Variants in USP54 observed in about 807,000 individuals in gnomAD.
USP54 encodes ubiquitin carboxyl-terminal hydrolase 54.
A neutral mutation model predicts 170.5 loss-of-function variants in USP54; 87 were observed. The observed-to-expected ratio is 0.51, with a 90% CI of 0.43 to 0.61. The LOEUF is 0.61. Ranked by LOEUF, USP54 falls within the 20% of genes least tolerant of loss-of-function variation. The pLI is 0.00. For synonymous variants in USP54, 655 were observed against 742.8 expected (o/e 0.88, Z 1.92); for missense variants, 1,786 against 2,047.8 (o/e 0.87, Z 2.47).
At chr10:73,541,928 G>A (rs2066681053) in intron 7 of USP54, 190 bp from the exon 8 acceptor site, 1 of 592,340 alleles carries the variant, frequency 1.7e-6, no homozygotes, top group African/African-American at 1.9e-5. Context: ...AAAGCTCATA[G>A]AATCCCCACT....
intron 4 of USP54, among the ~76,000 whole-genome samples, chr10:73,554,396 C>T (rs538474093): frequency 3.9e-4 from 59 of 152,276 alleles, no homozygotes; most frequent in East Asian, 7.7e-4. Context: ...AATCATAGAA[C>T]TTAATTGGCC....
intron 20 of USP54, chr10:73,515,794 T>G (rs2060973232): frequency 6.6e-6 from 1 of 151,414 alleles, no homozygotes; most frequent in African/African-American, 2.4e-5. Context: ...TTTTTTTTTT[T>G]TTTTTTGAAA....
intron 20 of USP54, among the ~76,000 whole-genome samples, chr10:73,512,026 G>A (rs554179430): frequency 3.3e-5 from 5 of 152,202 alleles, no homozygotes; most frequent in Admixed American, 6.5e-5. Context: ...GATTACAGGC[G>A]TGAGCCACCG....
At chr10:73,579,121 A>G (rs1237716391) in intron 1 of USP54, among the ~76,000 whole-genome samples, 2 of 146,414 alleles carry the variant, frequency 1.4e-5, no homozygotes, top group Non-Finnish European at 3.0e-5. Flanking sequence ...ATGCACCACC[A>G]TGTATTTTTA....
chr10:73,534,338 G>A (rs2064758577), intron 12 of USP54, among the ~76,000 whole-genome samples: 1 of 151,920 alleles, frequency 6.6e-6, no homozygotes, highest in South Asian at 2.1e-4. Flanking sequence ...TCCCGAGTAG[G>A]TAGGACTACA....
At chr10:73,558,377 A>AT (rs2071775627) in intron 4 of USP54, among the ~76,000 whole-genome samples, 1 of 152,240 alleles carries the variant, frequency 6.6e-6, no homozygotes, top group Non-Finnish European at 1.5e-5. Flanking sequence ...GAAAGGGATC[A>AT]TAAATTCTAT....
At chr10:73,588,630 T>C (rs754351182) in intron 1 of USP54, among the ~76,000 whole-genome samples, 1 of 152,220 alleles carries the variant, frequency 6.6e-6, no homozygotes, top group Non-Finnish European at 1.5e-5. Context: ...TATACAATAT[T>C]GCAAAAGCAA....
chr10:73,596,720 C>CAAAAAAAAA (rs36049099), intron 1 of USP54, among the ~76,000 whole-genome samples: 1 of 91,846 alleles, frequency 1.1e-5, no homozygotes, highest in Non-Finnish European at 2.0e-5. Flanking sequence ...GATCCTGTCT[C>CAAAAAAAAA]AAAAAAAAAA....
intron 16 of USP54, among the ~76,000 whole-genome samples, chr10:73,525,910 G>C (rs2062763584): frequency 6.6e-6 from 1 of 152,164 alleles, no homozygotes; most frequent in South Asian, 2.1e-4. Context: ...ATTTAGCCAG[G>C]GGTAAGGATA....
At chr10:73,605,307 G>A (rs547814049) in intron 1 of USP54, among the ~76,000 whole-genome samples, 25 of 151,984 alleles carry the variant, frequency 1.6e-4, no homozygotes, top group Non-Finnish European at 2.5e-4. Flanking sequence ...CTCATGATCC[G>A]CCCACCTTGG....
At chr10:73,603,467 C>A (rs1419275481) in intron 1 of USP54, among the ~76,000 whole-genome samples, 2 of 152,156 alleles carry the variant, frequency 1.3e-5, no homozygotes, top group Non-Finnish European at 2.9e-5. Context: ...GTAATGCCAG[C>A]ACTTTGGGTG....
chr10:73,612,067 C>G (rs919105499), intron 1 of USP54, among the ~76,000 whole-genome samples: 7 of 151,094 alleles, frequency 4.6e-5, no homozygotes, highest in Non-Finnish European at 1.0e-4. Context: ...AGTTGAGATC[C>G]CGCCACTGCA....
In USP54 at chr10:73,579,985, C is replaced by T. The variant is rs183927039; in HGVS notation, c.-581-3624G>A. 1.5e-3 allele frequency among the ~76,000 whole-genome samples: 233 copies of T among 152,024 alleles called. 1 individual carries two copies. Among genetic ancestry groups the T allele is most frequent in the African/African-American group, 5.4e-3 (224 of 41,466 alleles). ...TTTTAAACCTGACAATAACAAGTGC[C>T]GATGAGGAATCAGAGCAACTGGAAC... On this transcript the variant is annotated intron_variant, in intron 1 of 23. Transcript: ENST00000687698.
chr10:73,592,471 CAAAAAAA>C (rs367984467), upstream of USP54, among the ~76,000 whole-genome samples: 3 of 67,362 alleles, frequency 4.5e-5, no homozygotes, highest in African/African-American at 9.5e-5. Context: ...GAAAGTGCCA[CAAAAAAA>C]AAAAAAAAAA....
intron 1 of USP54, among the ~76,000 whole-genome samples, chr10:73,609,739 G>A (rs1472127276): frequency 2.0e-5 from 3 of 151,950 alleles, no homozygotes; most frequent in African/African-American, 2.4e-5. Flanking sequence ...AGCTACTCAG[G>A]AGGCTGAGGA....
intron 23 of USP54, chr10:73,499,977 A>G (rs1231607980): frequency 6.6e-6 from 1 of 152,250 alleles, no homozygotes; most frequent in African/African-American, 2.4e-5. Context: ...TACAACAACA[A>G]CTGAGCAAGT....
At chr10:73,539,407 T>C (rs762500730) in intron 10 of USP54, 37 bp downstream of exon 10, 1 of 1,502,966 alleles carries the variant, frequency 6.7e-7, no homozygotes, top group Non-Finnish European at 8.9e-7. Flanking sequence ...TTTTTTGTAG[T>C]CACCAAACAC....
Position 73,498,975 on chromosome 10 carries a change from G to A in USP54, c.4709C>T (p.Ala1570Val), listed in dbSNP as rs1290057123. The A allele has an allele frequency of 1.2e-6, 2 of 1,614,004 alleles. No homozygotes were observed. The highest frequency in any genetic ancestry group is 1.7e-6 in the Non-Finnish European group (2 of 1,180,042). Residue 1570 changes from alanine (A) to valine (V), a missense_variant, in exon 24 of 24, where the codon GCC (alanine) becomes GTC (valine). Physicochemically the swap from Ala to Val is moderately conservative, Grantham distance 64. Transcript: ENST00000687698. ...GCCCTTGCTTCTTTCTGGTAGTGTGGCAGTGTAGGTTAGTTGAGGATTGCA... is the reference window on the plus strand; with the variant it reads ...GCCCTTGCTTCTTTCTGGTAGTGTGACAGTGTAGGTTAGTTGAGGATTGCA... ...PGCNPQLTYTATLPERSKGLQ... is the reference protein window; with the variant it reads ...PGCNPQLTYTVTLPERSKGLQ...
intron 1 of USP54, among the ~76,000 whole-genome samples, chr10:73,590,153 G>C (rs2078065733): frequency 6.6e-6 from 1 of 152,162 alleles, no homozygotes; most frequent in African/African-American, 2.4e-5. Context: ...CACTTTGCAG[G>C]AAAGAAAACC....
Sources: gnomAD v4.1 joint callset for allele counts (sites outside exome capture counted in the v4.1 genomes callset) on GRCh38, gnomAD v4.1.1 for gene constraint, MANE v1.5 for transcripts, NCBI Gene and HGNC (gene_info 2026-07-23, HGNC 2026-07-21) for gene names.